The following NKAIN2 variants were observed in gnomAD, a reference collection of about 807,000 sequenced individuals.
NKAIN2 encodes the protein sodium/potassium transporting ATPase interacting 2.
Under a neutral mutation model 32.6 loss-of-function variants are expected in NKAIN2, and 14 were observed. That is an observed-to-expected ratio of 0.43 (90% CI 0.28 to 0.67). The LOEUF is 0.67. NKAIN2 is among the 30% of genes least tolerant of loss of function. NKAIN2 has a pLI of 0.17. For missense variants in NKAIN2, 198 were observed against 258.3 expected, an observed-to-expected ratio of 0.77 and a Z score of 1.60; for synonymous variants, 80 against 87.2, an observed-to-expected ratio of 0.92 and a Z score of 0.46.
At chr6:124,710,569 C>T (rs1163312650) in intron 4 of NKAIN2, among the ~76,000 whole-genome samples, 1 of 151,976 alleles carries the variant, frequency 6.6e-6, no homozygotes, top group Admixed American at 6.6e-5. Flanking sequence ...GAATTGATCC[C>T]TTTACCATTA....
In NKAIN2 at chr6:123,964,673, C is replaced by G. The variant is rs1777996755; in HGVS notation, c.54+160419C>G. Among the ~76,000 whole-genome samples the G allele has an allele frequency of 6.6e-6, 1 of 152,108 alleles. No homozygotes were observed. The highest frequency in any genetic ancestry group is 2.4e-5 in the African/African-American group (1 of 41,434). ...CAAACGGTTTTGGAGTGTTGCCCAG[C>G]CACTTTCCTGTACTCACATTCACCC... On this transcript the variant is annotated intron_variant, in intron 1 of 6. Coordinates refer to ENST00000368417, the MANE Select transcript of NKAIN2 (RefSeq NM_001040214.3). This position sits in a 1 kb window ranked among gnomAD's most constrained non-coding sequence, Gnocchi z 4.0.
chr6:124,218,590 C>T (rs1222342420), intron 1 of NKAIN2, among the ~76,000 whole-genome samples: 2 of 152,128 alleles, frequency 1.3e-5, no homozygotes, highest in Non-Finnish European at 2.9e-5. Context: ...CTACCAACTA[C>T]TAATAGCAAA....
At chr6:124,065,724 T>C (rs1783138281) in intron 1 of NKAIN2, among the ~76,000 whole-genome samples, 1 of 152,184 alleles carries the variant, frequency 6.6e-6, no homozygotes, top group African/African-American at 2.4e-5. Context: ...GGAGCACAAA[T>C]GGATAAGACA....
intron 1 of NKAIN2, among the ~76,000 whole-genome samples, chr6:123,922,060 T>G (rs1775784417): frequency 6.6e-6 from 1 of 152,228 alleles, no homozygotes; most frequent in African/African-American, 2.4e-5. Context: ...CCTTACATTC[T>G]TCATTAGAGA....
chr6:124,062,282 A>C (rs947307710), intron 1 of NKAIN2, among the ~76,000 whole-genome samples: 2 of 152,036 alleles, frequency 1.3e-5, no homozygotes, highest in Admixed American at 6.6e-5. Context: ...TGTTATATAA[A>C]CCCCCAGTAT....
intron 3 of NKAIN2, among the ~76,000 whole-genome samples, chr6:124,393,609 G>A (rs1438983147): frequency 1.3e-5 from 2 of 152,082 alleles, no homozygotes; most frequent in Non-Finnish European, 2.9e-5. Context: ...GAATTAAAAG[G>A]ATGAATCATA....
At chr6:123,910,160 T>C (rs1341606199) in intron 1 of NKAIN2, among the ~76,000 whole-genome samples, 1 of 152,180 alleles carries the variant, frequency 6.6e-6, no homozygotes, top group Non-Finnish European at 1.5e-5. Flanking sequence ...CAAATAATTA[T>C]CTTTCTGCAT....
intron 1 of NKAIN2, among the ~76,000 whole-genome samples, chr6:124,092,161 C>T (rs1346753070): frequency 1.3e-5 from 2 of 152,032 alleles, no homozygotes; most frequent in African/African-American, 4.8e-5. Flanking sequence ...TCATACACAG[C>T]ACCAAGTGCA....
intron 1 of NKAIN2, among the ~76,000 whole-genome samples, chr6:124,247,569 C>T (rs1793476382): frequency 6.6e-6 from 1 of 152,062 alleles, no homozygotes; most frequent in Non-Finnish European, 1.5e-5. Context: ...AAAGACTCTC[C>T]TGGAGGTGTG....
rs1337859 is a variant in NKAIN2 at position 124,688,458 on chromosome 6, T to C, written c.474+30072T>C. 6.5e-3 allele frequency among the ~76,000 whole-genome samples: 995 copies of C among 152,212 alleles called. 15 individuals carry two copies. The highest frequency in any genetic ancestry group is 0.022 in the African/African-American group (919 of 41,544). ...CACCAGAGTGATACATTTGTTACAA[T>C]TGATGAATCTGCATTGAGACATCAT... On this transcript the variant is annotated intron_variant, in intron 4 of 6. Transcript: ENST00000368417.
chr6:123,937,940 A>C (rs574542482), intron 1 of NKAIN2, among the ~76,000 whole-genome samples: 1 of 56,138 alleles, frequency 1.8e-5, no homozygotes, highest in African/African-American at 8.2e-5. Flanking sequence ...GGTCAGTTGT[A>C]GCCAGCAGTG....
At chr6:123,920,718 A>T (rs1368699153) in intron 1 of NKAIN2, among the ~76,000 whole-genome samples, 1 of 152,180 alleles carries the variant, frequency 6.6e-6, no homozygotes, top group African/African-American at 2.4e-5. Flanking sequence ...AATTGTGACA[A>T]CTTCAGATAG....
At chr6:124,688,317 T>C (rs1330863493) in intron 4 of NKAIN2, among the ~76,000 whole-genome samples, 1 of 152,026 alleles carries the variant, frequency 6.6e-6, no homozygotes, top group Admixed American at 6.6e-5. Context: ...TTTTTTCTTA[T>C]TAAATACATT....
intron 3 of NKAIN2, among the ~76,000 whole-genome samples, chr6:124,461,310 G>A (rs2114647484): frequency 6.6e-6 from 1 of 151,728 alleles, no homozygotes; most frequent in South Asian, 2.1e-4. Flanking sequence ...TGTGTGTGTA[G>A]ATACATGCGT....
At chr6:124,651,522 G>A (rs998664962) in intron 3 of NKAIN2, among the ~76,000 whole-genome samples, 2 of 152,096 alleles carry the variant, frequency 1.3e-5, no homozygotes, top group African/African-American at 2.4e-5. Flanking sequence ...CATGAACTTG[G>A]CACGTCTGCA....
chr6:124,001,800 A>AATATGTATATATAT (rs1208005298), intron 1 of NKAIN2, among the ~76,000 whole-genome samples: 127 of 135,118 alleles, frequency 9.4e-4, no homozygotes, highest in African/African-American at 3.5e-3. Flanking sequence ...CTTAGTTCTA[A>AATATGTATATATAT]ATATATATAT....
intron 4 of NKAIN2, among the ~76,000 whole-genome samples, chr6:124,729,544 T>C (rs1754039302): frequency 6.6e-6 from 1 of 151,690 alleles, no homozygotes; most frequent in Non-Finnish European, 1.5e-5. Context: ...AATTAGGTAT[T>C]GATGGGACAT....
chr6:124,421,948 T>C (rs1341434438), intron 3 of NKAIN2, among the ~76,000 whole-genome samples: 1 of 152,152 alleles, frequency 6.6e-6, no homozygotes, highest in African/African-American at 2.4e-5. Context: ...ATAGTTAATT[T>C]GCCAAAGTGG....
intron 3 of NKAIN2, among the ~76,000 whole-genome samples, chr6:124,473,603 T>G (rs1000955682): frequency 7.2e-5 from 11 of 152,152 alleles, no homozygotes; most frequent in Admixed American, 4.6e-4. Context: ...GTTTTACAAA[T>G]GCACAATACT....
Sources: gnomAD v4.1 joint callset for allele counts (sites outside exome capture counted in the v4.1 genomes callset) on GRCh38, gnomAD v4.1.1 for gene constraint, Gnocchi (gnomAD v3.1) non-coding constraint, MANE v1.5 for transcripts, NCBI Gene and HGNC (gene_info 2026-07-23, HGNC 2026-07-21) for gene names.